IL12RB2: variants seen among roughly 807,000 people sequenced by gnomAD.
The protein encoded by IL12RB2 is interleukin 12 receptor subunit beta 2.
A neutral mutation model predicts 89.4 loss-of-function variants in IL12RB2; 82 were observed. The ratio of observed to expected loss-of-function variants is 0.92; its 90% CI spans 0.77 to 1.10. IL12RB2 has a LOEUF of 1.10. IL12RB2 is among the 50% of genes least tolerant of loss of function. IL12RB2 has a pLI of 0.00. For synonymous variants in IL12RB2, 368 were observed against 370.1 expected, an observed-to-expected ratio of 0.99 and a Z score of 0.07; for missense variants, 963 against 1,031.9, an observed-to-expected ratio of 0.93 and a Z score of 0.92.
At chr1:67,382,321 C>T (rs1664691406) in intron 14 of IL12RB2, among the ~76,000 whole-genome samples, 1 of 152,234 alleles carries the variant, frequency 6.6e-6, no homozygotes, top group African/African-American at 2.4e-5. Context: ...CTCATGGGTC[C>T]TAACAGGTCT....
At chr1:67,332,721 T>G (rs1378759757) in intron 8 of IL12RB2, among the ~76,000 whole-genome samples, 1 of 152,316 alleles carries the variant, frequency 6.6e-6, no homozygotes, top group East Asian at 1.9e-4. Context: ...CAGATAAAAC[T>G]TCTGAAAATG....
chr1:67,315,935 T>C (rs555515262), intron 2 of IL12RB2, among the ~76,000 whole-genome samples: 1 of 149,110 alleles, frequency 6.7e-6, no homozygotes, highest in East Asian at 2.0e-4. Context: ...AAATAGTCAA[T>C]ATGTCAGAAG....
At chr1:67,389,979 T>C (rs112245592) in intron 15 of IL12RB2, 50 bp from the exon 16 acceptor site, 15 of 870,764 alleles carry the variant, frequency 1.7e-5, no homozygotes, top group African/African-American at 4.9e-5. Flanking sequence ...TGTGCTTCCA[T>C]GCCACTGTGT....
chr1:67,360,683 C>A (rs1661940160), intron 10 of IL12RB2, among the ~76,000 whole-genome samples: 1 of 151,750 alleles, frequency 6.6e-6, no homozygotes, highest in African/African-American at 2.4e-5. Context: ...GTAATCCCAG[C>A]TACTTGGGAG....
At position 67,398,363 on chromosome 1, in the gene IL12RB2, T is replaced by C. The variant is rs1666477088; in HGVS notation, c.*2274T>C. On this transcript the variant is annotated 3_prime_UTR_variant, in exon 17 of 17. Transcript: ENST00000674203. ...TATCTTTGGTTTCCTTTTGATTATC[T>C]CTCATCCATCTCAGCCACTATTCTC... 6.6e-6 allele frequency among the ~76,000 whole-genome samples: 1 copy of C among 151,992 alleles called. No individual in the cohort carries two copies. Among genetic ancestry groups the C allele is most frequent in the South Asian group, 2.1e-4 (1 of 4,824 alleles).
At chr1:67,380,773 A>C (rs943265444) in intron 14 of IL12RB2, among the ~76,000 whole-genome samples, 3 of 152,002 alleles carry the variant, frequency 2.0e-5, no homozygotes, top group Non-Finnish European at 4.4e-5. Flanking sequence ...TTTTCCAGTA[A>C]TTTGCAGGCA....
chr1:67,345,684 T>C (rs1660138869), intron 9 of IL12RB2, among the ~76,000 whole-genome samples: 1 of 152,178 alleles, frequency 6.6e-6, no homozygotes, highest in South Asian at 2.1e-4. Flanking sequence ...GTTGCAATAT[T>C]CAACTCTATC....
At chr1:67,339,363 T>A (rs1659257187) in intron 9 of IL12RB2, among the ~76,000 whole-genome samples, 1 of 151,988 alleles carries the variant, frequency 6.6e-6, no homozygotes, top group African/African-American at 2.4e-5. Context: ...GGCATGCGCC[T>A]GTAATCCCAG....
chr1:67,327,677 C>A (rs1657514509), intron 5 of IL12RB2, among the ~76,000 whole-genome samples: 1 of 152,174 alleles, frequency 6.6e-6, no homozygotes, highest in Non-Finnish European at 1.5e-5. Flanking sequence ...CATTAAAGAT[C>A]CAGCTGATTT....
chr1:67,360,046 A>G (rs1661839949), intron 10 of IL12RB2, among the ~76,000 whole-genome samples: 2 of 152,186 alleles, frequency 1.3e-5, no homozygotes, highest in Admixed American at 1.3e-4. Context: ...TCTGAGAGTT[A>G]AAATCTCCAC....
intron 1 of IL12RB2, among the ~76,000 whole-genome samples, chr1:67,310,806 C>A (rs991134251): frequency 2.1e-4 from 32 of 152,108 alleles, no homozygotes; most frequent in African/African-American, 7.5e-4. Context: ...CTCACTGCAA[C>A]CTCTGCCTCC....
At chr1:67,336,697 G>C (rs2100728728) in intron 8 of IL12RB2, among the ~76,000 whole-genome samples, 1 of 152,326 alleles carries the variant, frequency 6.6e-6, no homozygotes. Context: ...AACTGATGGG[G>C]GATGGAAGTA....
chr1:67,327,695 T>C (rs1392439376), intron 5 of IL12RB2, among the ~76,000 whole-genome samples: 1 of 152,210 alleles, frequency 6.6e-6, no homozygotes, highest in African/African-American at 2.4e-5. Context: ...TTTGTGCTAT[T>C]CCTGAGTGAG....
chr1:67,341,541 AAG>A (rs780357284), intron 9 of IL12RB2, among the ~76,000 whole-genome samples: 1 of 38,720 alleles, frequency 2.6e-5, no homozygotes, highest in African/African-American at 4.5e-5. Context: ...GAAAGAAAGA[AAG>A]AAAGAAAGAA....
rs773099016 is a variant in IL12RB2, at chr1:67,395,717, T to C, written c.2217T>C (p.Ser739=). The change falls in exon 17 of 17, where the codon TCT becomes TCC. Residue 739 remains serine (S), a synonymous_variant. Transcript: ENST00000674203. ...AAGGAATCCAAGGTCATCAGGCCTC[T>C]GAGAAAGACATGATGCACAGTGCCT... ...REKGIQGHQA[S]EKDMMHSASS... is the part of the protein sequence containing the mutation. 6.2e-7 allele frequency: 1 copy of C among 1,614,068 alleles called. No individual in the cohort carries two copies. The highest frequency in any genetic ancestry group is 8.5e-7 in the Non-Finnish European group (1 of 1,180,032).
intron 4 of IL12RB2, among the ~76,000 whole-genome samples, chr1:67,325,276 T>C (rs1238243857): frequency 6.6e-6 from 1 of 152,232 alleles, no homozygotes; most frequent in Non-Finnish European, 1.5e-5. Flanking sequence ...TTTTCTTTCT[T>C]TTTTGAGGCA....
At chr1:67,335,684 A>G (rs1277143804) in intron 8 of IL12RB2, among the ~76,000 whole-genome samples, 2 of 152,036 alleles carry the variant, frequency 1.3e-5, no homozygotes, top group Admixed American at 6.6e-5. Flanking sequence ...ATTTGGCTAG[A>G]TAACATTGAG....
chr1:67,349,510 A>G (rs955801506), intron 9 of IL12RB2, among the ~76,000 whole-genome samples: 7 of 152,192 alleles, frequency 4.6e-5, no homozygotes, highest in African/African-American at 1.7e-4. Flanking sequence ...TGCTTATTCT[A>G]ATCCATACAA....
At chr1:67,331,253 A>G (rs1018827751) in intron 8 of IL12RB2, among the ~76,000 whole-genome samples, 4 of 152,210 alleles carry the variant, frequency 2.6e-5, no homozygotes, top group South Asian at 4.1e-4. Context: ...ACATATTTCA[A>G]AATAAAATTT....
Sources: allele counts gnomAD v4.1 joint callset (sites outside exome capture counted in the v4.1 genomes callset), GRCh38; gene constraint gnomAD v4.1.1; transcripts MANE v1.5; gene names NCBI Gene and HGNC (gene_info 2026-07-23, HGNC 2026-07-21).